The following LIPE variants were observed in gnomAD, a reference collection of about 807,000 sequenced individuals.
The protein encoded by LIPE is hormone-sensitive lipase.
A neutral mutation model predicts 88.5 loss-of-function variants in LIPE; 66 were observed. The observed-to-expected ratio is 0.75, with a 90% confidence interval of 0.61 to 0.91. The LOEUF is 0.91. Ranked by LOEUF, LIPE falls within the 40% of genes least tolerant of loss-of-function variation. The pLI, the probability that LIPE is intolerant of heterozygous loss-of-function variation, is 0.00. For missense variants in LIPE, 1,346 were observed against 1,434.7 expected (o/e 0.94, Z 1.00); for synonymous variants, 570 against 617.5 (o/e 0.92, Z 1.14).
At chr19:42,422,782 G>A (rs569709250) in intron 1 of LIPE, among the ~76,000 whole-genome samples, 288 of 152,306 alleles carry the variant, frequency 1.9e-3, no homozygotes, top group African/African-American at 6.7e-3. Flanking sequence ...AGGTGTGGAG[G>A]TCTGAAGCCA....
At position 42,407,059 on chromosome 19, in the gene LIPE, T is replaced by C; in HGVS notation, c.2137+115A>G. The C allele has an allele frequency of 1.1e-6, 1 of 900,382 alleles. No homozygotes were observed. The highest frequency in any genetic ancestry group is 1.6e-6 in the Non-Finnish European group (1 of 613,166). The allele number at this position is 900,382 out of a possible 1,614,324, so 55.8% of individuals were successfully genotyped here. On this transcript the variant is annotated intron_variant, in intron 6 of 9. Transcript: ENST00000244289. The surrounding 1 kb of genome is among the most constrained non-coding windows in gnomAD (Gnocchi z 5.8). ...GGGCAGGACCTGGGTGAGCAGGAGC[T>C]GGGAGGTGTGGGGGGAGAGAAAGGT... is the stretch of plus-strand genomic sequence containing the variant.
chr19:42,425,869 C>T (rs953681152), intron 1 of LIPE, among the ~76,000 whole-genome samples: 1 of 152,134 alleles, frequency 6.6e-6, no homozygotes, highest in African/African-American at 2.4e-5. Context: ...GTGGCACGAT[C>T]TCAGCTCATT....
chr19:42,421,949 G>T (rs527851468), intron 1 of LIPE, among the ~76,000 whole-genome samples: 1 of 152,330 alleles, frequency 6.6e-6, no homozygotes, highest in South Asian at 2.1e-4. Flanking sequence ...TTTGCAGGGA[G>T]CCCTGCCCAA....
chr19:42,408,408 G>A lies in LIPE; in HGVS notation c.1420-86C>T, dbSNP rs1003250495. On this transcript the variant is annotated intron_variant, in intron 2 of 9. Coordinates refer to ENST00000244289, the MANE Select transcript of LIPE (RefSeq NM_005357.4). The surrounding 1 kb of genome is among the most constrained non-coding windows in gnomAD (Gnocchi z 4.3). ...GCGAGGCACAGGGATGTGCGGGGAAGACACATTCATTCAGTAAACGTTTCA... is the reference window on the plus strand; with the variant it reads ...GCGAGGCACAGGGATGTGCGGGGAAAACACATTCATTCAGTAAACGTTTCA... The A allele has an allele frequency of 1.9e-6, 2 of 1,075,302 alleles. No individual in the cohort carries two copies. The highest frequency in any genetic ancestry group is 2.9e-6 in the Non-Finnish European group (2 of 696,916). 66.6% of individuals were successfully genotyped at this position (1,075,302 alleles called of 1,614,324 possible).
chr19:42,423,721 A>G, intron 1 of LIPE: 1 of 1,133,166 alleles, frequency 8.8e-7, no homozygotes, highest in Non-Finnish European at 1.1e-6. Flanking sequence ...CCCAACCGCC[A>G]GAATTTAAGA....
At chr19:42,405,195 G>C (rs912291232) in intron 8 of LIPE, among the ~76,000 whole-genome samples, 190 bp downstream of exon 8, 3 of 152,174 alleles carry the variant, frequency 2.0e-5, no homozygotes, top group African/African-American at 7.2e-5. Context: ...ACTAGAGACA[G>C]GGTTTCGTCA....
At chr19:42,422,144 T>C (rs2040609713) in intron 1 of LIPE, among the ~76,000 whole-genome samples, 1 of 152,236 alleles carries the variant, frequency 6.6e-6, no homozygotes. Flanking sequence ...ATGTTCACCG[T>C]CCGGTGGGGA....
chr19:42,424,400 CT>C (rs1426096617), intron 1 of LIPE: 1 of 456,456 alleles, frequency 2.2e-6, no homozygotes, highest in African/African-American at 2.0e-5. Context: ...CCAACTGCTT[CT>C]GGACCGCCTG....
Position 42,423,303 on chromosome 19 carries a change from G to A in LIPE, c.883+2964C>T. 5.5e-6 allele frequency: 4 copies of A among 733,118 alleles called. No individual in the cohort carries two copies. In the South Asian group the frequency reaches 6.3e-5, roughly 12 times the overall value. 45.4% of individuals were successfully genotyped at this position (733,118 alleles called of 1,614,324 possible). On this transcript the variant is annotated intron_variant, in intron 1 of 9. Coordinates refer to ENST00000244289, the MANE Select transcript of LIPE (RefSeq NM_005357.4). ...CCGTTGTCCCCGCAAGCGGCAATGG[G>A]CCAGTCCGCGGACCCCCCCAACTCC...
chr19:42,407,104 CT>C lies in LIPE; in HGVS notation c.2137+69del. 1 of 1,345,426 alleles carries C rather than the reference CT, an allele frequency of 7.4e-7. No individual in the cohort carries two copies. Among genetic ancestry groups the C allele is most frequent in the Non-Finnish European group, 9.9e-7 (1 of 1,012,266 alleles). 83.3% of individuals were successfully genotyped at this position (1,345,426 alleles called of 1,614,324 possible). A position where few individuals can be genotyped will look rare whatever the true frequency, so the allele number is the denominator to read the frequency against. On this transcript the variant is annotated intron_variant, in intron 6 of 9. Transcript: ENST00000244289. This position sits in a 1 kb window ranked among gnomAD's most constrained non-coding sequence, Gnocchi z 5.8. ...AAAGGTAGAGGGTGTGAGGCTGAGG[CT>C]GGAGGAGCTTAAAGCAAGCTGGGTG...
At chr19:42,423,391 G>C (rs1318290698) in intron 1 of LIPE, 16 of 1,287,814 alleles carry the variant, frequency 1.2e-5, no homozygotes, top group Non-Finnish European at 1.6e-5. Flanking sequence ...GGTTCCTTCC[G>C]GGCTGCTGCC....
Position 42,403,009 on chromosome 19 carries a change from A to G in LIPE, c.2565T>C (p.Ser855=), listed in dbSNP as rs781119534. The stretch of plus-strand genomic sequence containing the variant: ...CCTGGGGCTGGGCCAGTGCTGCTTC[A>G]GACACACTGCGGCGCATCGGCTCTG... ...PIAEPMRRSV[S]EAALAQPQGP... is the part of the protein sequence containing the mutation. The change falls in exon 9 of 10, where the codon TCT becomes TCC. Residue 855 remains serine (S), a synonymous_variant. Coordinates refer to ENST00000244289, the MANE Select transcript of LIPE (RefSeq NM_005357.4). The G allele has an allele frequency of 3.2e-6, 5 of 1,582,172 alleles. No individual in the cohort carries two copies. Among genetic ancestry groups the G allele is most frequent in the Non-Finnish European group, 4.3e-6 (5 of 1,165,970 alleles).
chr19:42,402,702 G>A lies in LIPE; in HGVS notation c.2872C>T (p.Pro958Ser). The change falls in exon 9 of 10, where the codon CCC becomes TCC. Residue 958 changes from proline to serine, a missense_variant. By Grantham distance (74) the Pro-to-Ser change is moderately conservative. Coordinates refer to ENST00000244289, the MANE Select transcript of LIPE (RefSeq NM_005357.4). ...RRSSQGATQM[P>S]LYSSPIVKNP... ...TTGACTATGGGTGAGGAGTAGAGGG[G>A]CATCTGTGTGGCACCCTGGCTGGAG... The A allele has an allele frequency of 6.5e-7, 1 of 1,534,398 alleles. No homozygotes were observed. Among genetic ancestry groups the A allele is most frequent in the Non-Finnish European group, 8.8e-7 (1 of 1,137,264 alleles).
Position 42,408,073 on chromosome 19 carries a change from G to A in LIPE, c.1559C>T (p.Pro520Leu), listed in dbSNP as rs775696375. Residue 520 changes from proline (P) to leucine (L), a missense_variant, in exon 4 of 10, where the codon CCC becomes CTC. Coordinates refer to ENST00000244289, the MANE Select transcript of LIPE (RefSeq NM_005357.4). The surrounding 1 kb of genome is among the most constrained non-coding windows in gnomAD (Gnocchi z 4.3). ...LFTSGRFAID[P>L]ELRGAEFERI... Reference sequence around the variant, plus strand: ...CTCAAACTCAGCCCCACGCAGCTCGGGGTCGATGGCAAAGCGGCCGCTGGT... The same window carrying A: ...CTCAAACTCAGCCCCACGCAGCTCGAGGTCGATGGCAAAGCGGCCGCTGGT... 1 of 1,613,920 alleles carries A rather than the reference G, an allele frequency of 6.2e-7. No individual in the cohort carries two copies. The highest frequency in any genetic ancestry group is 8.5e-7 in the Non-Finnish European group (1 of 1,179,914).
rs2040173906 is a variant in LIPE at position 42,406,100 on chromosome 19, G to T, written c.2365+61C>A. 1.4e-6 allele frequency: 2 copies of T among 1,440,736 alleles called. No homozygotes were observed. Among genetic ancestry groups the T allele is most frequent in the African/African-American group, 1.4e-5 (1 of 71,086 alleles). 89.2% of individuals were successfully genotyped at this position (1,440,736 alleles called of 1,614,324 possible). A position where few individuals can be genotyped will look rare whatever the true frequency, so the allele number is the denominator to read the frequency against. ...TCACAGGAGTCCTGGTCCCCAGCCC[G>T]TCCCTGCAGGAGTCAGACATCCATG... is the stretch of plus-strand genomic sequence containing the variant. On this transcript the variant is annotated intron_variant, in intron 7 of 9. Transcript: ENST00000244289. The surrounding 1 kb of genome is among the most constrained non-coding windows in gnomAD (Gnocchi z 5.7).
At position 42,407,939 on chromosome 19, in the gene LIPE, C is replaced by G; in HGVS notation, c.1656+37G>C. 6.2e-7 allele frequency: 1 copy of G among 1,600,888 alleles called. No individual in the cohort carries two copies. Among genetic ancestry groups the G allele is most frequent in the Non-Finnish European group, 8.5e-7 (1 of 1,175,190 alleles). On this transcript the variant is annotated intron_variant, in intron 4 of 9. Transcript: ENST00000244289. The surrounding 1 kb of genome is among the most constrained non-coding windows in gnomAD (Gnocchi z 5.8). ...ACCTACTGTGGCCTCAGATGAGTCTCTGGGCCTCAGTGTCCCCATCTGCAA... is the reference window on the plus strand; with the variant it reads ...ACCTACTGTGGCCTCAGATGAGTCTGTGGGCCTCAGTGTCCCCATCTGCAA...
chr19:42,403,714 T>C (rs902068385), intron 8 of LIPE, among the ~76,000 whole-genome samples: 2 of 151,974 alleles, frequency 1.3e-5, no homozygotes, highest in African/African-American at 2.4e-5. Context: ...CGGCCTCCCA[T>C]AGTGCTGGGA....
chr19:42,420,961 C>G (rs941741591), intron 1 of LIPE, among the ~76,000 whole-genome samples: 1 of 152,014 alleles, frequency 6.6e-6, no homozygotes, highest in Non-Finnish European at 1.5e-5. Context: ...TAGAGTGGTG[C>G]GATCACAGCT....
intron 7 of LIPE, 171 bp downstream of exon 7, chr19:42,405,976 TCACACACACACACA>T (rs57282318): frequency 1.7e-3 from 696 of 418,666 alleles, no homozygotes; most frequent in African/African-American, 2.8e-3. Context: ...TCTCTCTCTC[TCACACACACACACA>T]CACACACACA....
Sources: gnomAD v4.1 joint callset for allele counts (sites outside exome capture counted in the v4.1 genomes callset) on GRCh38, gnomAD v4.1.1 for gene constraint, Gnocchi (gnomAD v3.1) non-coding constraint, MANE v1.5 for transcripts, NCBI Gene and HGNC (gene_info 2026-07-23, HGNC 2026-07-21) for gene names.